FRMPD1: variants seen among roughly 807,000 people sequenced by gnomAD.
The protein encoded by FRMPD1 is FERM and PDZ domain containing 1.
In FRMPD1, 76 loss-of-function variants were observed where a neutral mutation model predicts 117.8. The ratio of observed to expected loss-of-function variants is 0.65; its 90% confidence interval spans 0.54 to 0.78. FRMPD1 has a LOEUF of 0.78. Ranked by LOEUF, FRMPD1 falls within the 30% of genes least tolerant of loss-of-function variation. FRMPD1 has a pLI of 0.00. For missense variants in FRMPD1, 1,786 were observed against 1,964.5 expected (o/e 0.91, Z 1.72); for synonymous variants, 783 against 770.4 (o/e 1.02, Z -0.27).
chr9:37,692,821 C>A, intron 2 of FRMPD1, 79 bp downstream of exon 2: 1 of 1,016,450 alleles, frequency 9.8e-7, no homozygotes, highest in Non-Finnish European at 1.6e-6. Context: ...GTCCTGGCCG[C>A]ACCTTGGGAT....
At chr9:37,727,508 C>T (rs1469719558) in intron 7 of FRMPD1, among the ~76,000 whole-genome samples, 1 of 152,076 alleles carries the variant, frequency 6.6e-6, no homozygotes, top group Non-Finnish European at 1.5e-5. Context: ...GGAGGGTTCA[C>T]AGGACATCCC....
intron 10 of FRMPD1, 50 bp downstream of exon 10, chr9:37,732,490 C>T: frequency 1.3e-6 from 2 of 1,548,008 alleles, no homozygotes; most frequent in Non-Finnish European, 1.7e-6. Flanking sequence ...TTGCTGGCCC[C>T]TGGCCAGGAG....
the FRMPD1 span, among the ~76,000 whole-genome samples, chr9:37,605,612 C>T: frequency 6.6e-6 from 1 of 152,184 alleles, no homozygotes; most frequent in African/African-American, 2.4e-5. Flanking sequence ...TGGAAATTGC[C>T]TTAGGACCTC....
At chr9:37,732,470 C>A in intron 10 of FRMPD1, 30 bp downstream of exon 10, 1 of 1,572,036 alleles carries the variant, frequency 6.4e-7, no homozygotes, top group Non-Finnish European at 8.6e-7. Flanking sequence ...AGCTGCATTG[C>A]ATTTATAACT....
chr9:37,647,663 C>T (rs1311951488), upstream of FRMPD1, among the ~76,000 whole-genome samples: 1 of 152,012 alleles, frequency 6.6e-6, no homozygotes, highest in South Asian at 2.1e-4. Flanking sequence ...CATTGTATTT[C>T]TCAAGAAGGT....
intron 1 of FRMPD1, among the ~76,000 whole-genome samples, chr9:37,663,334 T>C (rs7868170): frequency 0.14 from 21,970 of 151,892 alleles, 2,179 homozygotes; most frequent in East Asian, 0.47. Context: ...GGAGTCTGCA[T>C]TGGAGATGGG....
Position 37,729,877 on chromosome 9 carries a change from C to G in FRMPD1, c.738+24C>G, listed in dbSNP as rs377362217. ...AGGTAGGGAGGACTGACCGCCTGTT[C>G]CTGGGAGGCATGGGCTGGGCTGGCT... On this transcript the variant is annotated intron_variant, in intron 8 of 15. Coordinates refer to ENST00000377765, the MANE Select transcript of FRMPD1 (RefSeq NM_014907.3). The G allele has an allele frequency of 3.1e-6, 5 of 1,609,954 alleles. No individual in the cohort carries two copies. In the South Asian group the frequency reaches 5.5e-5, roughly 18 times the overall value.
chr9:37,650,232 T>G (rs1340470720), upstream of FRMPD1, among the ~76,000 whole-genome samples: 2 of 152,120 alleles, frequency 1.3e-5, no homozygotes, highest in African/African-American at 4.8e-5. Flanking sequence ...GGTATCATGC[T>G]CAGAGAGGCG....
the FRMPD1 span, among the ~76,000 whole-genome samples, chr9:37,619,688 T>C: frequency 6.6e-5 from 10 of 151,668 alleles, no homozygotes; most frequent in Non-Finnish European, 1.3e-4. Flanking sequence ...AACCCAGGAA[T>C]TGGAGGTTGT....
At chr9:37,704,916 A>G (rs1408319774) in intron 2 of FRMPD1, among the ~76,000 whole-genome samples, 7 of 151,804 alleles carry the variant, frequency 4.6e-5, no homozygotes, top group Non-Finnish European at 8.8e-5. Context: ...TGCTTTAAGG[A>G]AAGTTATATT....
the FRMPD1 span, among the ~76,000 whole-genome samples, chr9:37,629,463 G>C: frequency 6.6e-6 from 1 of 152,190 alleles, no homozygotes; most frequent in African/African-American, 2.4e-5. Flanking sequence ...GGAGTGGACT[G>C]AGTTGCAGCC....
chr9:37,662,896 C>A (rs1440607017), intron 1 of FRMPD1, among the ~76,000 whole-genome samples: 1 of 152,130 alleles, frequency 6.6e-6, no homozygotes, highest in East Asian at 1.9e-4. Flanking sequence ...TGGGAAGATG[C>A]AGAATTACAT....
Position 37,733,487 on chromosome 9 carries a change from T to G in FRMPD1, c.1010T>G (p.Ile337Arg), listed in dbSNP as rs754895066. 1.2e-6 allele frequency: 2 copies of G among 1,613,710 alleles called. No homozygotes were observed. The highest frequency in any genetic ancestry group is 1.7e-6 in the Non-Finnish European group (2 of 1,179,814). The change falls in exon 11 of 16, where the codon ATA (isoleucine) becomes AGA (arginine). Residue 337 changes from isoleucine to arginine, a missense_variant. Physicochemically the swap from Ile to Arg is moderately conservative, Grantham distance 97. Coordinates refer to ENST00000377765, the MANE Select transcript of FRMPD1 (RefSeq NM_014907.3). ...TCTCATGGCAGGAAAGACTGGGGAA[T>G]AGAGAACTTTATATCTCCAACTTTA... is the stretch of plus-strand genomic sequence containing the variant. ...SLKYIEKDWG[I>R]ENFISPTLLR...
intron 12 of FRMPD1, 147 bp downstream of exon 12, chr9:37,733,972 A>G: frequency 1.6e-6 from 1 of 626,340 alleles, no homozygotes. Context: ...ACCACTGGAA[A>G]ATATTTACCA....
intron 15 of FRMPD1, 126 bp downstream of exon 15, chr9:37,741,010 A>G: frequency 1.4e-6 from 1 of 732,636 alleles, no homozygotes; most frequent in East Asian, 2.7e-5. Context: ...TACACTTCTG[A>G]GGAGGTAGAT....
chr9:37,687,190 A>G (rs923845429), intron 1 of FRMPD1, among the ~76,000 whole-genome samples: 5 of 152,218 alleles, frequency 3.3e-5, no homozygotes, highest in Non-Finnish European at 5.9e-5. Context: ...TACCAGGAAC[A>G]TGAATTTCTT....
chr9:37,688,990 G>C (rs1205933805), intron 1 of FRMPD1, among the ~76,000 whole-genome samples: 1 of 151,956 alleles, frequency 6.6e-6, no homozygotes, highest in African/African-American at 2.4e-5. Context: ...ATAGTATTAA[G>C]GGTTTATAAT....
chr9:37,718,170 G>A (rs1373942814), intron 5 of FRMPD1, among the ~76,000 whole-genome samples: 1 of 152,142 alleles, frequency 6.6e-6, no homozygotes, highest in Non-Finnish European at 1.5e-5. Context: ...GTACTTCATG[G>A]CTTCGGTCTG....
chr9:37,717,704 A>G (rs994664460), intron 5 of FRMPD1, among the ~76,000 whole-genome samples: 2 of 152,072 alleles, frequency 1.3e-5, no homozygotes, highest in African/African-American at 4.8e-5. Flanking sequence ...ATTAACGACA[A>G]ACTAATCAAT....
Sources: allele counts gnomAD v4.1 joint callset (sites outside exome capture counted in the v4.1 genomes callset), GRCh38; gene constraint gnomAD v4.1.1; transcripts MANE v1.5; gene names NCBI Gene and HGNC (gene_info 2026-07-23, HGNC 2026-07-21).